Variants in PSD3 observed in about 807,000 individuals in gnomAD.
The protein encoded by PSD3 is PH and SEC7 domain-containing protein 3.
A neutral mutation model predicts 105.5 loss-of-function variants in PSD3; 49 were observed. That is an observed-to-expected ratio of 0.46 (90% CI 0.37 to 0.59). PSD3 has a LOEUF of 0.59. Among genes scored for constraint, PSD3 ranks in the 20% least tolerant of loss-of-function variants. PSD3 has a pLI of 0.00. For missense variants in PSD3, 1,561 were observed against 1,263.8 expected, an observed-to-expected ratio of 1.24 and a Z score of -3.57; for synonymous variants, 557 against 457.8, an observed-to-expected ratio of 1.22 and a Z score of -2.77.
At chr8:18,547,791 T>A (rs1247561169) in intron 15 of PSD3, among the ~76,000 whole-genome samples, 4 of 152,230 alleles carry the variant, frequency 2.6e-5, no homozygotes, top group Non-Finnish European at 5.9e-5. Context: ...GGGTGGAACC[T>A]GATTGGAGGT....
intron 1 of PSD3, among the ~76,000 whole-genome samples, chr8:19,012,708 C>G (rs546514718): frequency 6.6e-6 from 1 of 152,330 alleles, no homozygotes; most frequent in East Asian, 1.9e-4. Context: ...TGCACATACT[C>G]AATTACAACG....
In PSD3 at chr8:18,650,952, C is replaced by T. The variant is rs569409475; in HGVS notation, c.2216+4690G>A. ...AACAGCTGGGGAAAATCCTGGCCTTCCCACCATACTGGACTTGGACCTATT... is the reference window on the plus strand; with the variant it reads ...AACAGCTGGGGAAAATCCTGGCCTTTCCACCATACTGGACTTGGACCTATT... On this transcript the variant is annotated intron_variant, in intron 10 of 15. Coordinates refer to ENST00000327040, the MANE Select transcript of PSD3 (RefSeq NM_015310.4). 2.6e-5 allele frequency among the ~76,000 whole-genome samples: 4 copies of T among 152,276 alleles called. No homozygotes were observed. In the East Asian group the frequency reaches 7.7e-4, roughly 29 times the overall value.
intron 1 of PSD3, among the ~76,000 whole-genome samples, chr8:19,074,208 C>T (rs913438087): frequency 6.6e-6 from 1 of 152,190 alleles, no homozygotes; most frequent in African/African-American, 2.4e-5. Flanking sequence ...GACCAGCAAA[C>T]AGCTTCAAAT....
intron 10 of PSD3, among the ~76,000 whole-genome samples, chr8:18,641,961 G>A (rs10108702): frequency 0.43 from 64,803 of 151,824 alleles, 14,295 homozygotes; most frequent in Middle Eastern, 0.53. Context: ...AATATGAATT[G>A]CATTCTATTC....
At chr8:18,972,208 G>A (rs1294750205) in intron 1 of PSD3, among the ~76,000 whole-genome samples, 2 of 152,082 alleles carry the variant, frequency 1.3e-5, no homozygotes, top group African/African-American at 4.8e-5. Context: ...TGTCAACTAG[G>A]CTCCTACTTT....
At chr8:18,866,425 C>A (rs1016058470) in intron 4 of PSD3, among the ~76,000 whole-genome samples, 12 of 152,310 alleles carry the variant, frequency 7.9e-5, no homozygotes, top group African/African-American at 2.6e-4. Flanking sequence ...GTGCTTTAGT[C>A]TCTATTAACC....
intron 2 of PSD3, among the ~76,000 whole-genome samples, chr8:18,897,216 G>A (rs1174870618): frequency 1.3e-5 from 2 of 152,060 alleles, no homozygotes; most frequent in Non-Finnish European, 2.9e-5. Flanking sequence ...ATACCTGTTG[G>A]CCATCTATAT....
At chr8:18,947,099 T>C (rs1046848776) in intron 1 of PSD3, among the ~76,000 whole-genome samples, 1 of 152,106 alleles carries the variant, frequency 6.6e-6, no homozygotes, top group Non-Finnish European at 1.5e-5. Context: ...ACTGGATAGA[T>C]ATTCCAAAAG....
At chr8:18,637,074 T>C (rs1807305663) in intron 10 of PSD3, among the ~76,000 whole-genome samples, 1 of 152,228 alleles carries the variant, frequency 6.6e-6, no homozygotes, top group East Asian at 1.9e-4. Context: ...TTTCACGATC[T>C]GCAATATATT....
intron 9 of PSD3, among the ~76,000 whole-genome samples, chr8:18,714,566 A>C (rs1802463743): frequency 6.6e-6 from 1 of 152,226 alleles, no homozygotes; most frequent in Admixed American, 6.5e-5. Flanking sequence ...AATGCAAATC[A>C]AAACCACAAT....
chr8:19,014,023 C>T (rs1339903524), upstream of PSD3: 1 of 153,332 alleles, frequency 6.5e-6, no homozygotes, highest in African/African-American at 2.4e-5. This position sits in a 1 kb window ranked among gnomAD's most constrained non-coding sequence, Gnocchi z 4.9. Flanking sequence ...AGCCGCGCGC[C>T]CGCCCTGGGC....
chr8:18,893,576 T>C (rs912921098), intron 2 of PSD3, among the ~76,000 whole-genome samples: 16 of 152,164 alleles, frequency 1.1e-4, no homozygotes, highest in Non-Finnish European at 1.3e-4. Flanking sequence ...AATGTATCAT[T>C]CCACCTCTCT....
At chr8:18,782,660 T>C (rs1224528015) in intron 8 of PSD3, among the ~76,000 whole-genome samples, 1 of 152,216 alleles carries the variant, frequency 6.6e-6, no homozygotes, top group Admixed American at 6.5e-5. Flanking sequence ...GGATTGTCTG[T>C]GTGCTAGCAG....
intron 4 of PSD3, among the ~76,000 whole-genome samples, chr8:18,831,897 AC>A (rs1039107962): frequency 3.6e-4 from 54 of 151,422 alleles, no homozygotes; most frequent in African/African-American, 1.3e-3. Context: ...AATAAATATA[AC>A]AAAAAAAAAA....
chr8:19,065,176 T>C (rs1829035763), intron 1 of PSD3, among the ~76,000 whole-genome samples: 1 of 152,198 alleles, frequency 6.6e-6, no homozygotes, highest in Non-Finnish European at 1.5e-5. Flanking sequence ...CTTTCTTCCA[T>C]CTTTTTCTGC....
rs1803902345 is a variant in PSD3, at chr8:18,594,300, ATAATAT to A, written c.2481+6058_2481+6063del. ...TATTATATAATATATATTATATATA[ATAATAT>A]ATATTATTATATATAATATATATTA... On this transcript the variant is annotated intron_variant, in intron 12 of 15. Coordinates refer to ENST00000327040, the MANE Select transcript of PSD3 (RefSeq NM_015310.4). Among the ~76,000 whole-genome samples the A allele has an allele frequency of 1.6e-4, 2 of 12,286 alleles. 1 individual carries two copies. The highest frequency in any genetic ancestry group is 4.2e-4 in the African/African-American group (2 of 4,782). 8.1% of individuals were successfully genotyped at this position (12,286 alleles called of 152,430 possible). A position where few individuals can be genotyped will look rare whatever the true frequency, so the allele number is the denominator to read the frequency against.
At chr8:18,961,944 T>C (rs1823953523) in intron 1 of PSD3, among the ~76,000 whole-genome samples, 1 of 152,166 alleles carries the variant, frequency 6.6e-6, no homozygotes, top group South Asian at 2.1e-4. Context: ...GTAAAATCTA[T>C]GACATCGGCT....
intron 8 of PSD3, among the ~76,000 whole-genome samples, chr8:18,780,184 T>G (rs1438589226): frequency 6.6e-6 from 1 of 152,228 alleles, no homozygotes; most frequent in African/African-American, 2.4e-5. Context: ...TTACCTTCTT[T>G]GCCGCTTTTT....
chr8:18,992,727 T>C (rs1283076531), intron 1 of PSD3, among the ~76,000 whole-genome samples: 2 of 152,182 alleles, frequency 1.3e-5, no homozygotes, highest in African/African-American at 4.8e-5. Flanking sequence ...TCTTCATCCA[T>C]ACATTAGAAA....
Sources: allele counts gnomAD v4.1 joint callset (sites outside exome capture counted in the v4.1 genomes callset), GRCh38; gene constraint gnomAD v4.1.1; non-coding constraint Gnocchi (gnomAD v3.1); transcripts MANE v1.5; gene names NCBI Gene and HGNC (gene_info 2026-07-23, HGNC 2026-07-21).